Variants in CD109 observed in about 807,000 individuals in gnomAD.
CD109 encodes CD109 molecule, also known as CD109 antigen.
Under a neutral mutation model 165.8 loss-of-function variants are expected in CD109, and 149 were observed. The ratio of observed to expected loss-of-function variants is 0.90; its 90% CI spans 0.79 to 1.03. CD109 has a LOEUF of 1.03. Among genes scored for constraint, CD109 ranks in the 50% least tolerant of loss-of-function variants. CD109 has a pLI of 0.00. For missense variants in CD109, 1,712 were observed against 1,677.8 expected (o/e 1.02, Z -0.36); for synonymous variants, 585 against 592.1 (o/e 0.99, Z 0.18).
intron 2 of CD109, among the ~76,000 whole-genome samples, chr6:73,712,365 A>G (rs578226120): frequency 1.3e-5 from 2 of 152,382 alleles, no homozygotes; most frequent in Non-Finnish European, 2.9e-5. Context: ...CAGCTAAAAA[A>G]GTGATAATAA....
intron 32 of CD109, 21 bp from the exon 33 acceptor site, chr6:73,823,437 G>T (rs1385865730): frequency 6.4e-7 from 1 of 1,571,556 alleles, no homozygotes; most frequent in Non-Finnish European, 8.7e-7. Context: ...CGTGTGAACT[G>T]ATGTCTGCTT....
chr6:73,753,895 C>T (rs1375857320), intron 5 of CD109, among the ~76,000 whole-genome samples: 1 of 152,156 alleles, frequency 6.6e-6, no homozygotes. Flanking sequence ...AGAATTGACT[C>T]ATTTATTCAT....
chr6:73,764,536 C>T (rs1773760104), intron 10 of CD109, among the ~76,000 whole-genome samples: 1 of 152,162 alleles, frequency 6.6e-6, no homozygotes, highest in African/African-American at 2.4e-5. Context: ...GGAGTCAGGC[C>T]TGGCGTGGTG....
intron 5 of CD109, among the ~76,000 whole-genome samples, chr6:73,752,782 G>A (rs1582103501): frequency 6.6e-6 from 1 of 152,260 alleles, no homozygotes; most frequent in East Asian, 1.9e-4. Context: ...AAGCCTTCAG[G>A]TTAGGGTCTT....
chr6:73,756,876 GA>G lies in CD109; in HGVS notation c.673+201del, dbSNP rs376620938. 5.3e-5 allele frequency among the ~76,000 whole-genome samples: 8 copies of G among 151,918 alleles called. No homozygotes were observed. In the East Asian group the frequency reaches 9.7e-4, roughly 18 times the overall value. On this transcript the variant is annotated intron_variant, in intron 6 of 32. Transcript: ENST00000287097. ...AAATCTCATTATACAGAAAAAAGTA[GA>G]AAAAAATCACCTATAGTTGCATTGT... is the stretch of plus-strand genomic sequence containing the variant.
chr6:73,794,182 G>A (rs1464522316), intron 23 of CD109, among the ~76,000 whole-genome samples: 1 of 152,128 alleles, frequency 6.6e-6, no homozygotes, highest in Non-Finnish European at 1.5e-5. Context: ...AACTCTAGGA[G>A]CAGGTGTCCT....
intron 5 of CD109, among the ~76,000 whole-genome samples, chr6:73,750,639 C>T (rs531802813): frequency 1.1e-3 from 175 of 152,238 alleles, no homozygotes; most frequent in Non-Finnish European, 1.9e-3. Flanking sequence ...ATATAATAGT[C>T]TACAACTTCT....
In CD109 at chr6:73,767,947, G is replaced by A. The variant is rs896803709; in HGVS notation, c.1498-108G>A. On this transcript the variant is annotated intron_variant, in intron 13 of 32. Coordinates refer to ENST00000287097, the MANE Select transcript of CD109 (RefSeq NM_133493.5). ...TGCATTCCAAAAGACTTTGAAGCTG[G>A]TTTAATTCAAGAATTTGTGTGTATG... The A allele has an allele frequency of 9.6e-5, 88 of 920,960 alleles. No individual in the cohort carries two copies. In the African/African-American group the frequency reaches 1.3e-3, roughly 14 times the overall value. 57.0% of individuals were successfully genotyped at this position (920,960 alleles called of 1,614,324 possible).
intron 23 of CD109, among the ~76,000 whole-genome samples, chr6:73,794,008 A>G (rs1329979786): frequency 6.6e-6 from 1 of 152,222 alleles, no homozygotes; most frequent in Non-Finnish European, 1.5e-5. Flanking sequence ...TCTCCATAGG[A>G]GAATTAGAAA....
At chr6:73,727,540 G>T (rs1772187617) in intron 3 of CD109, among the ~76,000 whole-genome samples, 1 of 152,224 alleles carries the variant, frequency 6.6e-6, no homozygotes, top group Admixed American at 6.5e-5. Context: ...GTCAGTGTCA[G>T]CTCCCTGAAG....
chr6:73,751,944 A>T (rs948936671), intron 5 of CD109, among the ~76,000 whole-genome samples: 1 of 152,244 alleles, frequency 6.6e-6, no homozygotes, highest in African/African-American at 2.4e-5. Flanking sequence ...GAAGGTGGAC[A>T]TAGTTGACAT....
chr6:73,733,442 A>G (rs1026329748), intron 4 of CD109, among the ~76,000 whole-genome samples: 2 of 152,338 alleles, frequency 1.3e-5, no homozygotes, highest in African/African-American at 4.8e-5. Context: ...GCATGCCCCA[A>G]TAACTGGTCT....
Position 73,766,032 on chromosome 6 carries a change from G to T in CD109, c.1210G>T (p.Gly404Ter), listed in dbSNP as rs776954939. The stretch of plus-strand genomic sequence containing the variant: ...GAGAAACTATACTGAGTACTGGAGC[G>T]GATCTAACAGTGGAAATCAGAAAAT... ...TQRNYTEYWS[G>*]SNSGNQKMEA... The change falls in exon 11 of 33, where the codon GGA becomes TGA. Residue 404 changes from glycine (G) to a stop codon, truncating the protein, a stop_gained. Transcript: ENST00000287097. LOFTEE classifies it high-confidence loss of function. 6.2e-7 allele frequency: 1 copy of T among 1,613,546 alleles called. No individual in the cohort carries two copies. Among genetic ancestry groups the T allele is most frequent in the South Asian group, 1.1e-5 (1 of 91,056 alleles).
intron 24 of CD109, 91 bp downstream of exon 24, chr6:73,803,392 T>C (rs973176494): frequency 1.2e-6 from 1 of 857,198 alleles, no homozygotes; most frequent in Non-Finnish European, 1.9e-6. Flanking sequence ...TATATCTCTA[T>C]ATATTATAGA....
chr6:73,708,340 A>G (rs1249783446), intron 2 of CD109, among the ~76,000 whole-genome samples: 2 of 152,066 alleles, frequency 1.3e-5, no homozygotes, highest in Admixed American at 6.6e-5. Context: ...ATCATTTTTT[A>G]TGGCTGCATT....
rs189038757 is a variant in CD109, at chr6:73,744,484, A to G, written c.633+7976A>G. ...ATTTGATGAACCTGTGAGCTAATGG[A>G]AAACAGGACTTTTGGATTAATGCCC... On this transcript the variant is annotated intron_variant, in intron 5 of 32. Transcript: ENST00000287097. Among the ~76,000 whole-genome samples the G allele has an allele frequency of 1.8e-3, 279 of 152,336 alleles. 1 individual carries two copies. The highest frequency in any genetic ancestry group is 6.4e-3 in the African/African-American group (266 of 41,572).
chr6:73,738,581 G>T (rs1772633179), intron 5 of CD109, among the ~76,000 whole-genome samples: 1 of 152,226 alleles, frequency 6.6e-6, no homozygotes, highest in African/African-American at 2.4e-5. Flanking sequence ...TACTTTGAAA[G>T]ATTTATAGGA....
At chr6:73,767,750 C>T (rs1773901920) in intron 13 of CD109, among the ~76,000 whole-genome samples, 1 of 152,102 alleles carries the variant, frequency 6.6e-6, no homozygotes, top group Non-Finnish European at 1.5e-5. Flanking sequence ...AAAGTGCTAT[C>T]CATGACCATG....
chr6:73,740,937 A>G (rs143076070), intron 5 of CD109, among the ~76,000 whole-genome samples: 1 of 152,036 alleles, frequency 6.6e-6, no homozygotes, highest in Admixed American at 6.6e-5. Context: ...TGATTTGCCC[A>G]ATGTCCCACA....
Sources: gnomAD v4.1 joint callset for allele counts (sites outside exome capture counted in the v4.1 genomes callset) on GRCh38, gnomAD v4.1.1 for gene constraint, MANE v1.5 for transcripts, NCBI Gene and HGNC (gene_info 2026-07-23, HGNC 2026-07-21) for gene names.